The following CNTN6 variants were observed in gnomAD, a reference collection of about 807,000 sequenced individuals.
CNTN6 encodes contactin 6, also known as contactin-6.
CNTN6 carries 137 observed loss-of-function variants against 122.8 expected under a neutral mutation model. That is an observed-to-expected ratio of 1.12 (90% CI 0.97 to 1.29). The LOEUF is 1.29. Among genes scored for constraint, CNTN6 ranks in the 50% most tolerant of loss-of-function variants. The pLI, the probability that CNTN6 is intolerant of heterozygous loss-of-function variation, is 0.00. For missense variants in CNTN6, 1,634 were observed against 1,223.4 expected (o/e 1.34, Z -5.01); for synonymous variants, 570 against 426.0 (o/e 1.34, Z -4.16).
At chr3:1,229,347 C>T (rs770426721) in intron 4 of CNTN6, among the ~76,000 whole-genome samples, 14 of 152,018 alleles carry the variant, frequency 9.2e-5, no homozygotes, top group Non-Finnish European at 2.1e-4. Flanking sequence ...TTTATTTCTC[C>T]TGCTTGGATA....
chr3:1,388,744 G>A lies in CNTN6; in HGVS notation c.2704+2947G>A, dbSNP rs939981502. Among the ~76,000 whole-genome samples the A allele has an allele frequency of 1.5e-4, 22 of 149,316 alleles. No individual in the cohort carries two copies. In the South Asian group the frequency reaches 2.3e-3, roughly 16 times the overall value. On this transcript the variant is annotated intron_variant, in intron 20 of 22. Transcript: ENST00000446702. ...GGAGCTGATGGAGCTGAAAACCAAG[G>A]CTCGAGAACTACGTGAAGAATGCAG...
At chr3:1,177,731 G>A (rs575368116) in intron 2 of CNTN6, among the ~76,000 whole-genome samples, 1 of 152,000 alleles carries the variant, frequency 6.6e-6, no homozygotes, top group African/African-American at 2.4e-5. Flanking sequence ...TTACATGCAT[G>A]ATTTCTGAAG....
chr3:1,221,101 T>G (rs575513468), intron 3 of CNTN6, among the ~76,000 whole-genome samples: 1 of 152,150 alleles, frequency 6.6e-6, no homozygotes, highest in East Asian at 1.9e-4. Flanking sequence ...GCTTAGAACA[T>G]TTATTCTTGA....
chr3:1,223,820 C>T (rs2094241747), intron 3 of CNTN6, among the ~76,000 whole-genome samples: 1 of 152,156 alleles, frequency 6.6e-6, no homozygotes, highest in African/African-American at 2.4e-5. Flanking sequence ...AAGCTCTAGG[C>T]CTCTAAGAAA....
chr3:1,138,561 G>A (rs1467918011), intron 1 of CNTN6, among the ~76,000 whole-genome samples: 1 of 151,798 alleles, frequency 6.6e-6, no homozygotes, highest in African/African-American at 2.4e-5. Context: ...AAACAGAAGA[G>A]AAAGAAACAT....
At chr3:1,251,709 G>GT (rs2125669233) in intron 4 of CNTN6, among the ~76,000 whole-genome samples, 1 of 152,160 alleles carries the variant, frequency 6.6e-6, no homozygotes, top group East Asian at 1.9e-4. Flanking sequence ...AGATGTTACT[G>GT]TATTGCCGGC....
intron 12 of CNTN6, among the ~76,000 whole-genome samples, chr3:1,354,473 C>A (rs1364371737): frequency 1.3e-5 from 2 of 151,018 alleles, no homozygotes; most frequent in Non-Finnish European, 3.0e-5. Flanking sequence ...TCCTTGTTAC[C>A]TTAATCAGTT....
intron 11 of CNTN6, among the ~76,000 whole-genome samples, chr3:1,332,245 A>G (rs1254968016): frequency 6.6e-6 from 1 of 151,932 alleles, no homozygotes; most frequent in African/African-American, 2.4e-5. Context: ...GTAATTTTCA[A>G]AAGGTCACAC....
intron 5 of CNTN6, among the ~76,000 whole-genome samples, chr3:1,293,366 C>T (rs1284976793): frequency 6.6e-6 from 1 of 151,454 alleles, no homozygotes; most frequent in Non-Finnish European, 1.5e-5. Context: ...ACAATATTCC[C>T]TCATTCCCAT....
intron 5 of CNTN6, among the ~76,000 whole-genome samples, chr3:1,287,558 A>G (rs1202308624): frequency 6.6e-6 from 1 of 152,198 alleles, no homozygotes; most frequent in Non-Finnish European, 1.5e-5. Flanking sequence ...CAATTCACTC[A>G]GAAGCTGGCT....
At chr3:1,401,275 C>A (rs1345298947) in intron 20 of CNTN6, 158 bp from the exon 21 acceptor site, 1 of 599,760 alleles carries the variant, frequency 1.7e-6, no homozygotes, top group Non-Finnish European at 2.9e-6. Flanking sequence ...AATTTGCTTA[C>A]TGTGATTAGA....
intron 7 of CNTN6, among the ~76,000 whole-genome samples, chr3:1,302,962 A>C (rs890560369): frequency 6.6e-6 from 1 of 150,658 alleles, no homozygotes; most frequent in African/African-American, 2.4e-5. Context: ...TTATCTTTGC[A>C]TCTCAGTTTG....
chr3:1,281,677 A>T (rs2125806265), intron 5 of CNTN6, among the ~76,000 whole-genome samples: 1 of 152,136 alleles, frequency 6.6e-6, no homozygotes, highest in African/African-American at 2.4e-5. Context: ...TGACCTCGTG[A>T]TCTGCCCGCC....
At chr3:1,352,019 A>G (rs1250190664) in intron 11 of CNTN6, among the ~76,000 whole-genome samples, 1 of 151,944 alleles carries the variant, frequency 6.6e-6, no homozygotes, top group Non-Finnish European at 1.5e-5. Context: ...CTTATTCATC[A>G]AGCAACTTGA....
At chr3:1,227,051 C>A (rs1449030993) in intron 3 of CNTN6, among the ~76,000 whole-genome samples, 6 of 152,052 alleles carry the variant, frequency 3.9e-5, no homozygotes, top group Admixed American at 1.3e-4. Context: ...ATCAGGTATT[C>A]ATTTGTCTTA....
At chr3:1,175,187 C>G (rs912727502) in intron 2 of CNTN6, among the ~76,000 whole-genome samples, 2 of 120,092 alleles carry the variant, frequency 1.7e-5, no homozygotes, top group African/African-American at 2.9e-5. Context: ...AGTACCACTG[C>G]ACTCCAGCCT....
chr3:1,287,982 G>T (rs1694636475), intron 5 of CNTN6, among the ~76,000 whole-genome samples: 1 of 152,142 alleles, frequency 6.6e-6, no homozygotes, highest in South Asian at 2.1e-4. Flanking sequence ...TCATAAACTT[G>T]CTTTCACTTT....
chr3:1,180,980 T>C (rs1455832192), intron 2 of CNTN6, among the ~76,000 whole-genome samples: 1 of 152,194 alleles, frequency 6.6e-6, no homozygotes, highest in African/African-American at 2.4e-5. Flanking sequence ...TTTGCATTTT[T>C]GTAATGTCCT....
At chr3:1,161,875 G>T (rs1032594785) in intron 2 of CNTN6, among the ~76,000 whole-genome samples, 1 of 151,350 alleles carries the variant, frequency 6.6e-6, no homozygotes, top group Non-Finnish European at 1.5e-5. Flanking sequence ...TACACTAAAT[G>T]ATATTGTAAT....
Sources: gnomAD v4.1 joint callset for allele counts (sites outside exome capture counted in the v4.1 genomes callset) on GRCh38, gnomAD v4.1.1 for gene constraint, MANE v1.5 for transcripts, NCBI Gene and HGNC (gene_info 2026-07-23, HGNC 2026-07-21) for gene names.